Variants in ARHGEF28 observed in about 807,000 individuals in gnomAD.
ARHGEF28 encodes the protein Rho guanine nucleotide exchange factor 28.
Under a neutral mutation model 206.6 loss-of-function variants are expected in ARHGEF28, and 152 were observed. That is an observed-to-expected ratio of 0.74 (90% confidence interval 0.64 to 0.84). The LOEUF (loss-of-function observed/expected upper bound fraction) is 0.84. ARHGEF28 is among the 40% of genes least tolerant of loss of function. The pLI is 0.00. For synonymous variants in ARHGEF28, 763 were observed against 776.4 expected (o/e 0.98, Z 0.29); for missense variants, 2,028 against 2,073.2 (o/e 0.98, Z 0.42).
At chr5:73,769,475 G>T (rs891317656) in intron 4 of ARHGEF28, among the ~76,000 whole-genome samples, 4 of 151,906 alleles carry the variant, frequency 2.6e-5, no homozygotes, top group Non-Finnish European at 2.9e-5. Flanking sequence ...TGTGTATTTT[G>T]TGACTTGATT....
intron 1 of ARHGEF28, among the ~76,000 whole-genome samples, chr5:73,640,911 C>T (rs566889676): frequency 1.3e-5 from 2 of 152,298 alleles, no homozygotes; most frequent in South Asian, 4.1e-4. Context: ...GGAGTGTAAT[C>T]AGTTGGTACT....
At chr5:73,698,605 T>TC (rs1748368791) in intron 2 of ARHGEF28, among the ~76,000 whole-genome samples, 2 of 152,082 alleles carry the variant, frequency 1.3e-5, no homozygotes, top group Non-Finnish European at 2.9e-5. Context: ...GAGTTTTTTT[T>TC]CAAAGATGGA....
intron 26 of ARHGEF28, among the ~76,000 whole-genome samples, chr5:73,888,852 A>G (rs1352934535): frequency 1.3e-5 from 2 of 152,060 alleles, no homozygotes; most frequent in East Asian, 3.9e-4. Flanking sequence ...AATCCACCAA[A>G]TGGCAGAATG....
Position 73,857,783 on chromosome 5 carries a change from A to G in ARHGEF28, c.1914+4A>G, listed in dbSNP as rs760474248. 1.9e-6 allele frequency: 3 copies of G among 1,609,068 alleles called. No individual in the cohort carries two copies. In the African/African-American group the frequency reaches 4.0e-5, roughly 22 times the overall value. ...TAGCCCTCGGAATAAATCAAAGGTAATTAAAGTGATTCACTTATTTTCTAT... is the reference window on the plus strand; with the variant it reads ...TAGCCCTCGGAATAAATCAAAGGTAGTTAAAGTGATTCACTTATTTTCTAT... On this transcript the variant is annotated splice_donor_region_variant and intron_variant, in intron 15 of 35. Transcript: ENST00000513042.
chr5:73,934,338 T>A (rs767157805), intron 35 of ARHGEF28, among the ~76,000 whole-genome samples: 4 of 152,148 alleles, frequency 2.6e-5, no homozygotes, highest in Non-Finnish European at 1.5e-5. Flanking sequence ...AAATTGCATC[T>A]CATCACGTGG....
intron 26 of ARHGEF28, 87 bp from the exon 27 acceptor site, chr5:73,891,965 T>C: frequency 8.1e-7 from 1 of 1,242,138 alleles, no homozygotes. Flanking sequence ...GTTTACCTAG[T>C]ACTCTTGCTT....
intron 22 of ARHGEF28, among the ~76,000 whole-genome samples, chr5:73,882,011 CAGTGTA>C (rs1366197942): frequency 7.2e-5 from 11 of 152,052 alleles, no homozygotes; most frequent in African/African-American, 2.7e-4. Context: ...GGTCATTAGC[CAGTGTA>C]AATGCCAAAT....
chr5:73,797,360 T>G (rs1754881542), intron 9 of ARHGEF28, among the ~76,000 whole-genome samples: 1 of 152,210 alleles, frequency 6.6e-6, no homozygotes, highest in African/African-American at 2.4e-5. Flanking sequence ...AAATGGGCTC[T>G]CCCTGGAGGC....
chr5:73,645,314 C>CAG (rs1744361316), intron 1 of ARHGEF28, among the ~76,000 whole-genome samples: 2 of 152,048 alleles, frequency 1.3e-5, no homozygotes, highest in Admixed American at 1.3e-4. Context: ...TATCTGGCTT[C>CAG]TCAGGGTCAT....
At chr5:73,673,734 G>A (rs1746487829) in intron 1 of ARHGEF28, among the ~76,000 whole-genome samples, 1 of 152,052 alleles carries the variant, frequency 6.6e-6, no homozygotes, top group African/African-American at 2.4e-5. Context: ...AGTGTTTCTG[G>A]TAGACACTAA....
At chr5:73,671,703 TA>T (rs1746311809) in intron 1 of ARHGEF28, among the ~76,000 whole-genome samples, 3 of 11,174 alleles carry the variant, frequency 2.7e-4, no homozygotes, top group Non-Finnish European at 4.3e-4. Context: ...ATTATATATA[TA>T]TATATATATA....
At chr5:73,936,672 G>A (rs1452360548) in intron 35 of ARHGEF28, among the ~76,000 whole-genome samples, 5 of 152,160 alleles carry the variant, frequency 3.3e-5, no homozygotes, top group Non-Finnish European at 7.3e-5. Flanking sequence ...ACCTTGTGAT[G>A]TAAAAGATTT....
At chr5:73,714,297 G>C (rs1217987097) in intron 2 of ARHGEF28, among the ~76,000 whole-genome samples, 1 of 152,206 alleles carries the variant, frequency 6.6e-6, no homozygotes, top group Non-Finnish European at 1.5e-5. Flanking sequence ...TGAGTATTAA[G>C]ATGTAGTGAG....
intron 16 of ARHGEF28, among the ~76,000 whole-genome samples, chr5:73,862,721 A>G (rs1759469569): frequency 6.6e-6 from 1 of 152,112 alleles, no homozygotes; most frequent in Non-Finnish European, 1.5e-5. Flanking sequence ...TCTTTTCCTA[A>G]GATTATTATG....
intron 14 of ARHGEF28, among the ~76,000 whole-genome samples, chr5:73,854,864 C>CA (rs759660657): frequency 7.3e-5 from 11 of 151,354 alleles, no homozygotes; most frequent in African/African-American, 1.5e-4. Context: ...ACAACAACAA[C>CA]AACAAAAAAA....
chr5:73,893,105 A>T (rs1761745247), intron 27 of ARHGEF28, 92 bp from the exon 28 acceptor site: 2 of 1,069,076 alleles, frequency 1.9e-6, no homozygotes, highest in East Asian at 5.8e-5. Context: ...CTTTATGAAT[A>T]AATCTATTGC....
intron 2 of ARHGEF28, among the ~76,000 whole-genome samples, chr5:73,688,134 T>C (rs1208229533): frequency 2.0e-5 from 3 of 152,204 alleles, no homozygotes; most frequent in Admixed American, 6.5e-5. Context: ...ACACTATGCA[T>C]AATTGTATGT....
chr5:73,904,643 A>T, intron 33 of ARHGEF28: 1 of 506,198 alleles, frequency 2.0e-6, no homozygotes, highest in Non-Finnish European at 3.4e-6. Context: ...ATCTTTAAAA[A>T]ATATTGATGA....
At chr5:73,906,943 A>AAATT (rs988001605) in intron 33 of ARHGEF28, among the ~76,000 whole-genome samples, 1 of 152,242 alleles carries the variant, frequency 6.6e-6, no homozygotes, top group African/African-American at 2.4e-5. Context: ...TAGAAAATAA[A>AAATT]AATTAGAAAA....
Sources: allele counts gnomAD v4.1 joint callset (sites outside exome capture counted in the v4.1 genomes callset), GRCh38; gene constraint gnomAD v4.1.1; transcripts MANE v1.5; gene names NCBI Gene and HGNC (gene_info 2026-07-23, HGNC 2026-07-21).